ACADS: variants seen among roughly 807,000 people sequenced by gnomAD.
ACADS encodes the protein acyl-CoA dehydrogenase short chain, also known as short-chain specific acyl-CoA dehydrogenase, mitochondrial.
Under a neutral mutation model 46.8 loss-of-function variants are expected in ACADS, and 28 were observed. That is an observed-to-expected ratio of 0.60 (90% CI 0.44 to 0.82). The LOEUF is 0.82. Among genes scored for constraint, ACADS ranks in the 40% least tolerant of loss-of-function variants. ACADS has a pLI of 0.00. For synonymous variants in ACADS, 236 were observed against 237.7 expected, an observed-to-expected ratio of 0.99 and a Z score of 0.07; for missense variants, 528 against 578.0, an observed-to-expected ratio of 0.91 and a Z score of 0.89.
rs371172924 is a variant in ACADS at position 120,739,529 on chromosome 12, C to T, written c.*81C>T. 12 of 1,532,642 alleles carry T rather than the reference C, an allele frequency of 7.8e-6. No individual in the cohort carries two copies. The highest frequency in any genetic ancestry group is 3.5e-5 in the South Asian group (3 of 85,374). The allele number at this position is 1,532,642 out of a possible 1,614,324, so 94.9% of individuals were successfully genotyped here. A position where few individuals can be genotyped will look rare whatever the true frequency, so the allele number is the denominator to read the frequency against. On this transcript the variant is annotated 3_prime_UTR_variant, in exon 10 of 10. Coordinates refer to ENST00000242592, the MANE Select transcript of ACADS (RefSeq NM_000017.4). ...CCCCAACCCCGGCTCAGAGACTGGG[C>T]GGCCCGGCGGGGGCTCCCTGGGGAC...
rs762083095 is a variant in ACADS, at chr12:120,738,579, G to C, written c.842G>C (p.Gly281Ala). The C allele has an allele frequency of 1.7e-5, 27 of 1,612,488 alleles. No individual in the cohort carries two copies. Among genetic ancestry groups the C allele is most frequent in the Non-Finnish European group, 2.2e-5 (26 of 1,180,024 alleles). ...ATCGGCATCGCCTCCCAGGCCCTGG[G>C]CATTGCCCAGACCGCCCTCGATTGT... is the stretch of plus-strand genomic sequence containing the variant. Reference protein sequence around the residue: ...GRIGIASQALGIAQTALDCAV... With the variant: ...GRIGIASQALAIAQTALDCAV... The change falls in exon 7 of 10, where the codon GGC (glycine) becomes GCC (alanine). Residue 281 changes from glycine (G) to alanine (A), a missense_variant. Physicochemically the swap from Gly to Ala is moderately conservative, Grantham distance 60. Transcript: ENST00000242592.
chr12:120,739,030 T>A, intron 8 of ACADS, 110 bp from the exon 9 acceptor site: 1 of 1,581,792 alleles, frequency 6.3e-7, no homozygotes, highest in East Asian at 2.2e-5. Context: ...GGGCCTGGGG[T>A]TTACAGCCCC....
intron 7 of ACADS, 44 bp downstream of exon 7, chr12:120,738,714 C>T (rs371741176): frequency 2.3e-5 from 37 of 1,608,956 alleles, no homozygotes; most frequent in Middle Eastern, 1.6e-4. Context: ...GGCTGGACAG[C>T]GGGCGGAGAG....
Position 120,739,324 on chromosome 12 carries a change from A to G in ACADS, c.1115A>G (p.Tyr372Cys), listed in dbSNP as rs1883579292. 1 of 1,612,932 alleles carries G rather than the reference A, an allele frequency of 6.2e-7. No individual in the cohort carries two copies. Among genetic ancestry groups the G allele is most frequent in the Non-Finnish European group, 8.5e-7 (1 of 1,179,940 alleles). ...QAIQILGGMG[Y>C]VTEMPAERHY... ...ATCCAGATCCTGGGCGGCATGGGCT[A>G]CGTGACAGAGATGCCGGCAGAGCGG... Residue 372 changes from tyrosine to cysteine, a missense_variant, in exon 10 of 10, where the codon TAC becomes TGC. By Grantham distance (194) the Tyr-to-Cys change is radical. Coordinates refer to ENST00000242592, the MANE Select transcript of ACADS (RefSeq NM_000017.4).
At chr12:120,735,220 C>CGAGACTGTGCCACTGCACTCCAGCCTGGG (rs1883387611) in intron 2 of ACADS, among the ~76,000 whole-genome samples, 1 of 140,464 alleles carries the variant, frequency 7.1e-6, no homozygotes, top group Admixed American at 7.6e-5. Context: ...TGCAGTGAGC[C>CGAGACTGTGCCACTGCACTCCAGCCTGGG]GAGACTGTGC....
chr12:120,733,570 TGCTGAAATGGTGC>T (rs1883338587), intron 2 of ACADS, among the ~76,000 whole-genome samples: 1 of 88,886 alleles, frequency 1.1e-5, no homozygotes, highest in Non-Finnish European at 2.5e-5. Flanking sequence ...AAATGGTGCC[TGCTGAAATGGTGC>T]CTGCTGAAAT....
intron 2 of ACADS, among the ~76,000 whole-genome samples, chr12:120,732,930 A>C (rs371252444): frequency 8.5e-5 from 13 of 152,398 alleles, no homozygotes; most frequent in Admixed American, 1.3e-4. Context: ...AGCCTGGGCA[A>C]CATTGAGCAC....
At position 120,733,255 on chromosome 12, in the gene ACADS, G is replaced by A. The variant is rs561228230; in HGVS notation, c.211-3731G>A. On this transcript the variant is annotated intron_variant, in intron 2 of 9. Coordinates refer to ENST00000242592, the MANE Select transcript of ACADS (RefSeq NM_000017.4). ...GACCGGGGGGAGAGGGAGAGGGAGA[G>A]GGAGAGGGAGAATCCTTGTATTTTT... Among the ~76,000 whole-genome samples the A allele has an allele frequency of 1.0e-3, 152 of 150,918 alleles. 2 individuals carry two copies. The highest frequency in any genetic ancestry group is 5.9e-3 in the South Asian group (28 of 4,742).
At chr12:120,736,030 T>C (rs1444135815) in intron 2 of ACADS, among the ~76,000 whole-genome samples, 2 of 149,538 alleles carry the variant, frequency 1.3e-5, no homozygotes, top group Non-Finnish European at 2.9e-5. Context: ...TCCCCGTCCC[T>C]GTCCCTGTCC....
At chr12:120,731,883 T>C (rs958716365) in intron 2 of ACADS, among the ~76,000 whole-genome samples, 19 of 152,076 alleles carry the variant, frequency 1.2e-4, no homozygotes, top group Non-Finnish European at 2.6e-4. Flanking sequence ...ACAAAGCACA[T>C]CTTGCACCGC....
Position 120,725,891 on chromosome 12 carries a change from C to T in ACADS, c.6C>T (p.Ala2=), listed in dbSNP as rs1883066026. 2 of 1,554,320 alleles carry T rather than the reference C, an allele frequency of 1.3e-6. No homozygotes were observed. Among genetic ancestry groups the T allele is most frequent in the Non-Finnish European group, 8.6e-7 (1 of 1,159,194 alleles). M[A]AALLARASGP... is the part of the protein sequence containing the mutation. ...TGGGACTGTGTCTGTCGCCCATGGC[C>T]GCCGCGCTGCTCGCCCGGGCCTCGG... is the stretch of plus-strand genomic sequence containing the variant. The change falls in exon 1 of 10, where the codon GCC becomes GCT. Residue 2 remains alanine (A), a synonymous_variant. Coordinates refer to ENST00000242592, the MANE Select transcript of ACADS (RefSeq NM_000017.4).
chr12:120,736,934 T>C, intron 2 of ACADS, 52 bp from the exon 3 acceptor site: 1 of 1,526,756 alleles, frequency 6.5e-7, no homozygotes, highest in Non-Finnish European at 8.8e-7. Context: ...TTGGGGAGGG[T>C]GGGCTCGCCC....
At chr12:120,738,124 C>T (rs1422842374) in intron 5 of ACADS, 136 bp downstream of exon 5, 1 of 1,567,490 alleles carries the variant, frequency 6.4e-7, no homozygotes, top group East Asian at 2.4e-5. Flanking sequence ...TCCTCAGCTG[C>T]CACTGAAGCC....
intron 2 of ACADS, among the ~76,000 whole-genome samples, chr12:120,731,011 ACACAGCT>A (rs1883231869): frequency 6.6e-6 from 1 of 151,924 alleles, no homozygotes; most frequent in African/African-American, 2.4e-5. Flanking sequence ...AGTGACACAA[ACACAGCT>A]CACTGCAGCC....
At chr12:120,738,756 C>T (rs1883547281) in intron 7 of ACADS, 64 bp from the exon 8 acceptor site, 1 of 1,611,332 alleles carries the variant, frequency 6.2e-7, no homozygotes, top group South Asian at 1.1e-5. Flanking sequence ...CGTCCTCCTC[C>T]CCCTCCCTTC....
intron 2 of ACADS, among the ~76,000 whole-genome samples, chr12:120,735,317 A>T (rs1009405987): frequency 1.2e-4 from 17 of 136,628 alleles, no homozygotes; most frequent in African/African-American, 4.2e-4. Flanking sequence ...AAGTGCTGGG[A>T]TTACAGGTGT....
rs774970155 is a variant in ACADS, at chr12:120,727,044, G to T, written c.65G>T (p.Trp22Leu). ...PARRALCPRA[W>L]RQLHTIYQSV... is the part of the protein sequence containing the mutation. ...CCGGCAGCTCTCTGTCCTAGGGCCT[G>T]GCGGCAGTTACACACCATCTACCAG... Residue 22 changes from tryptophan to leucine, a missense_variant, in exon 2 of 10, where the codon TGG (tryptophan) becomes TTG (leucine). Trp to Leu is a moderately conservative substitution (Grantham distance 61). Coordinates refer to ENST00000242592, the MANE Select transcript of ACADS (RefSeq NM_000017.4). 3.0e-5 allele frequency: 48 copies of T among 1,614,026 alleles called. No individual in the cohort carries two copies. The highest frequency in any genetic ancestry group is 1.6e-4 in the Middle Eastern group (1 of 6,084).
At chr12:120,733,057 C>CA (rs1883312208) in intron 2 of ACADS, among the ~76,000 whole-genome samples, 1 of 152,286 alleles carries the variant, frequency 6.6e-6, no homozygotes, top group South Asian at 2.1e-4. Flanking sequence ...CCGTCTCCAC[C>CA]AAAAAAATAC....
At chr12:120,737,328 C>T (rs1182704856) in intron 3 of ACADS, 28 bp from the exon 4 acceptor site, 1 of 1,606,012 alleles carries the variant, frequency 6.2e-7, no homozygotes, top group Non-Finnish European at 8.5e-7. Flanking sequence ...GGCCTGGGGC[C>T]TCCGACCGCT....
Sources: allele counts gnomAD v4.1 joint callset (sites outside exome capture counted in the v4.1 genomes callset), GRCh38; gene constraint gnomAD v4.1.1; transcripts MANE v1.5; gene names NCBI Gene and HGNC (gene_info 2026-07-23, HGNC 2026-07-21).